Variants in MSRA observed in about 807,000 individuals in gnomAD.
MSRA encodes methionine sulfoxide reductase A, also known as mitochondrial peptide methionine sulfoxide reductase.
In MSRA, 54 loss-of-function variants were observed where a neutral mutation model predicts 31.3. The observed-to-expected ratio is 1.73, with a 90% confidence interval of 1.39 to 2.17. The LOEUF (loss-of-function observed/expected upper bound fraction) is 2.17, where lower values mean the gene tolerates loss of function less well. MSRA is among the 30% of genes most tolerant of loss of function. MSRA has a pLI of 0.00. For synonymous variants in MSRA, 169 were observed against 116.5 expected (o/e 1.45, Z -2.90); for missense variants, 507 against 300.9 (o/e 1.69, Z -5.07).
intron 5 of MSRA, among the ~76,000 whole-genome samples, chr8:10,363,717 C>A (rs1276346302): frequency 7.8e-6 from 1 of 128,740 alleles, no homozygotes; most frequent in Non-Finnish European, 1.7e-5. Flanking sequence ...CCAACCTGGG[C>A]AACCAAGCAA....
chr8:10,200,737 C>G (rs1479210843), intron 1 of MSRA, among the ~76,000 whole-genome samples: 1 of 152,164 alleles, frequency 6.6e-6, no homozygotes, highest in Non-Finnish European at 1.5e-5. Context: ...TAACTTGCAC[C>G]TTAAAACACC....
At chr8:10,121,048 T>C (rs2129017897) in intron 1 of MSRA, among the ~76,000 whole-genome samples, 1 of 152,312 alleles carries the variant, frequency 6.6e-6, no homozygotes, top group Middle Eastern at 3.4e-3. Flanking sequence ...AAAAAGTTAA[T>C]AAAGGGTAGT....
chr8:10,214,362 G>A (rs757615327), intron 2 of MSRA, among the ~76,000 whole-genome samples: 6 of 152,038 alleles, frequency 3.9e-5, no homozygotes, highest in Non-Finnish European at 7.4e-5. Flanking sequence ...ACAAGAAATC[G>A]TTTCCTGTCT....
chr8:10,120,638 G>A (rs1309125219), intron 1 of MSRA, among the ~76,000 whole-genome samples: 1 of 152,246 alleles, frequency 6.6e-6, no homozygotes, highest in African/African-American at 2.4e-5. Context: ...AGGATACCCA[G>A]ATGAGAAGGC....
chr8:10,331,168 G>T (rs916539501), intron 5 of MSRA, among the ~76,000 whole-genome samples: 1 of 152,202 alleles, frequency 6.6e-6, no homozygotes, highest in Non-Finnish European at 1.5e-5. Context: ...CCCCAGAACT[G>T]TAAGAAATAG....
intron 1 of MSRA, among the ~76,000 whole-genome samples, chr8:10,190,852 G>A (rs150738246): frequency 7.2e-5 from 11 of 152,184 alleles, no homozygotes; most frequent in African/African-American, 2.2e-4. Flanking sequence ...TACTCATCCC[G>A]TCCTTACGTG....
chr8:10,129,523 G>A (rs1801745099), intron 1 of MSRA, among the ~76,000 whole-genome samples: 2 of 152,070 alleles, frequency 1.3e-5, no homozygotes, highest in African/African-American at 2.4e-5. Flanking sequence ...CTGATGCAGG[G>A]AAACTGAGAG....
At chr8:10,107,142 G>C (rs1409187438) in intron 1 of MSRA, among the ~76,000 whole-genome samples, 1 of 152,174 alleles carries the variant, frequency 6.6e-6, no homozygotes, top group East Asian at 1.9e-4. Context: ...CGCAGTGACT[G>C]TTAGGAGAGG....
At chr8:10,193,683 T>C (rs935085255) in intron 1 of MSRA, among the ~76,000 whole-genome samples, 3 of 152,218 alleles carry the variant, frequency 2.0e-5, no homozygotes, top group Admixed American at 2.0e-4. Context: ...ACCAAGCGCC[T>C]GTCTGTGTCG....
intron 1 of MSRA, among the ~76,000 whole-genome samples, chr8:10,110,657 G>C (rs1800212250): frequency 6.6e-6 from 1 of 152,184 alleles, no homozygotes; most frequent in Admixed American, 6.5e-5. Flanking sequence ...GGCAGGATCT[G>C]TGTCAAATGT....
At chr8:10,358,022 A>C (rs1049862694) in intron 5 of MSRA, among the ~76,000 whole-genome samples, 1 of 152,228 alleles carries the variant, frequency 6.6e-6, no homozygotes, top group African/African-American at 2.4e-5. Context: ...TCCTGGGTCC[A>C]AGCAATTCTC....
rs118181790 is a variant in MSRA at position 10,395,473 on chromosome 8, G to C, written c.544-32675G>C. Among the ~76,000 whole-genome samples the C allele has an allele frequency of 2.4e-4, 37 of 152,292 alleles. No individual in the cohort carries two copies. In the East Asian group the frequency reaches 6.4e-3, roughly 26 times the overall value. On this transcript the variant is annotated intron_variant, in intron 5 of 5. Transcript: ENST00000317173. Reference sequence around the variant, plus strand: ...GGAAGAAACATTTAGCTGTATTTTTGAGCAGGAGAATGACATGGCCACAGA... The same window carrying C: ...GGAAGAAACATTTAGCTGTATTTTTCAGCAGGAGAATGACATGGCCACAGA...
intron 5 of MSRA, among the ~76,000 whole-genome samples, chr8:10,349,415 T>C (rs1477706825): frequency 2.7e-5 from 4 of 150,430 alleles, no homozygotes; most frequent in Admixed American, 2.6e-4. Context: ...GAATATCTTT[T>C]CCTTTTTTGT....
chr8:10,178,317 C>T (rs28570266), intron 1 of MSRA, among the ~76,000 whole-genome samples: 66,777 of 151,758 alleles, frequency 0.44, 15,279 homozygotes, highest in African/African-American at 0.57. Context: ...AGGCCGGACA[C>T]GGTGGCTCAT....
intron 5 of MSRA, among the ~76,000 whole-genome samples, chr8:10,408,146 A>G (rs567313192): frequency 6.6e-6 from 1 of 152,312 alleles, no homozygotes; most frequent in South Asian, 2.1e-4. Context: ...GGCCAGGGAG[A>G]AAGGGTCGCA....
chr8:10,183,163 A>G (rs1016348839), intron 1 of MSRA, among the ~76,000 whole-genome samples: 5 of 152,016 alleles, frequency 3.3e-5, no homozygotes, highest in African/African-American at 7.3e-5. Flanking sequence ...CTTGAGGACT[A>G]TTTGCCTTCC....
intron 5 of MSRA, among the ~76,000 whole-genome samples, chr8:10,426,743 T>C (rs1178664910): frequency 6.6e-6 from 1 of 152,254 alleles, no homozygotes; most frequent in East Asian, 1.9e-4. Context: ...TAGGACTTCC[T>C]TCCCGTGGCT....
intron 1 of MSRA, among the ~76,000 whole-genome samples, chr8:10,156,691 C>T (rs961928221): frequency 3.3e-5 from 5 of 151,914 alleles, no homozygotes; most frequent in Non-Finnish European, 7.4e-5. Flanking sequence ...CTCCACTGCC[C>T]CTACCAGAGA....
At chr8:10,420,068 T>A (rs1808717701) in intron 5 of MSRA, among the ~76,000 whole-genome samples, 1 of 152,142 alleles carries the variant, frequency 6.6e-6, no homozygotes, top group Non-Finnish European at 1.5e-5. Flanking sequence ...AGCAACAAAA[T>A]ATGGCATGTA....
Sources: gnomAD v4.1 joint callset for allele counts (sites outside exome capture counted in the v4.1 genomes callset) on GRCh38, gnomAD v4.1.1 for gene constraint, MANE v1.5 for transcripts, NCBI Gene and HGNC (gene_info 2026-07-23, HGNC 2026-07-21) for gene names.